The following DOCK7 variants were observed in gnomAD, a reference collection of about 807,000 sequenced individuals.
DOCK7 encodes dedicator of cytokinesis protein 7.
A neutral mutation model predicts 271.0 loss-of-function variants in DOCK7; 138 were observed. That is an observed-to-expected ratio of 0.51 (90% CI 0.44 to 0.59). DOCK7 has a LOEUF of 0.59. DOCK7 is among the 20% of genes least tolerant of loss of function. The pLI is 0.00. For synonymous variants in DOCK7, 823 were observed against 876.1 expected, an observed-to-expected ratio of 0.94 and a Z score of 1.07; for missense variants, 2,066 against 2,592.4, an observed-to-expected ratio of 0.80 and a Z score of 4.41.
intron 14 of DOCK7, among the ~76,000 whole-genome samples, chr1:62,586,837 T>C (rs1474576421): frequency 6.6e-6 from 1 of 152,116 alleles, no homozygotes; most frequent in East Asian, 1.9e-4. Flanking sequence ...TGCAGATAAA[T>C]TGAGATTCAG....
intron 1 of DOCK7, among the ~76,000 whole-genome samples, chr1:62,682,378 T>A (rs947825313): frequency 6.6e-6 from 1 of 152,202 alleles, no homozygotes; most frequent in Non-Finnish European, 1.5e-5. Flanking sequence ...TAATAAAGGA[T>A]GTCCAACGCA....
At chr1:62,638,040 G>A (rs1013010246) in intron 7 of DOCK7, among the ~76,000 whole-genome samples, 4 of 152,012 alleles carry the variant, frequency 2.6e-5, no homozygotes, top group African/African-American at 7.2e-5. Context: ...TGATACTGTC[G>A]GTCCATTTAT....
intron 21 of DOCK7, among the ~76,000 whole-genome samples, chr1:62,553,309 A>ATT (rs775716298): frequency 0.047 from 1,576 of 33,808 alleles, 55 homozygotes; most frequent in East Asian, 0.078. Flanking sequence ...AATAAAAAGT[A>ATT]TTTTATATAT....
chr1:62,457,386 TA>T (rs1244946545), intron 49 of DOCK7, 151 bp downstream of exon 49: 2 of 704,702 alleles, frequency 2.8e-6, no homozygotes, highest in Admixed American at 5.8e-5. Context: ...CCAGTAAGTG[TA>T]ACACGAATAT....
intron 24 of DOCK7, 154 bp downstream of exon 24, chr1:62,543,502 A>C: frequency 2.0e-6 from 1 of 490,192 alleles, no homozygotes; most frequent in Non-Finnish European, 3.7e-6. Flanking sequence ...ATATGCCCCA[A>C]AAGGCATCAG....
intron 2 of DOCK7, among the ~76,000 whole-genome samples, chr1:62,659,101 A>C (rs1203177317): frequency 6.6e-6 from 1 of 152,192 alleles, no homozygotes; most frequent in Non-Finnish European, 1.5e-5. Flanking sequence ...AGGTATCTGG[A>C]AATATAATAA....
At chr1:62,669,965 G>A (rs1659758995) in intron 1 of DOCK7, among the ~76,000 whole-genome samples, 1 of 152,366 alleles carries the variant, frequency 6.6e-6, no homozygotes, top group African/African-American at 2.4e-5. Context: ...CGTGGGCTTG[G>A]TGGGCCCCGC....
intron 7 of DOCK7, 42 bp downstream of exon 7, chr1:62,647,649 C>G (rs568974404): frequency 7.1e-7 from 1 of 1,415,176 alleles, no homozygotes; most frequent in East Asian, 2.3e-5. Context: ...AAAATTTTAT[C>G]CTGGAAAATA....
chr1:62,462,758 C>A (rs929353012), intron 48 of DOCK7, among the ~76,000 whole-genome samples: 3 of 151,944 alleles, frequency 2.0e-5, no homozygotes, highest in Non-Finnish European at 2.9e-5. Context: ...ACACAAAAAT[C>A]AATTGCAAAT....
intron 34 of DOCK7, among the ~76,000 whole-genome samples, chr1:62,508,473 T>C (rs1015701157): frequency 6.6e-6 from 1 of 152,208 alleles, no homozygotes; most frequent in Non-Finnish European, 1.5e-5. Flanking sequence ...AGGATAAATG[T>C]ACTTAATTTG....
At chr1:62,622,922 TCAAAAACAAAAA>T (rs937158240) in intron 12 of DOCK7, among the ~76,000 whole-genome samples, 9 of 151,650 alleles carry the variant, frequency 5.9e-5, no homozygotes, top group Non-Finnish European at 8.8e-5. Context: ...AGAGCAAGAC[TCAAAAACAAAAA>T]CAAAAACAAA....
intron 1 of DOCK7, among the ~76,000 whole-genome samples, chr1:62,663,390 G>C (rs988431161): frequency 6.6e-6 from 1 of 152,036 alleles, no homozygotes; most frequent in African/African-American, 2.4e-5. Flanking sequence ...GGCATTTTAG[G>C]GAACACACTT....
intron 41 of DOCK7, 110 bp from the exon 42 acceptor site, chr1:62,489,175 C>T (rs1048155428): frequency 4.6e-5 from 49 of 1,061,432 alleles, no homozygotes; most frequent in African/African-American, 1.1e-4. Context: ...TGAGGCCAGA[C>T]GCAGTGGCTC....
At chr1:62,656,090 GGAAAAGA>G (rs1657986041) in intron 2 of DOCK7, among the ~76,000 whole-genome samples, 1 of 151,932 alleles carries the variant, frequency 6.6e-6, no homozygotes, top group Admixed American at 6.5e-5. Flanking sequence ...CAATCCAACA[GGAAAAGA>G]GAAATCTTCT....
rs181858023 is a variant in DOCK7 at position 62,490,707 on chromosome 1, G to A, written c.5362-1642C>T. 8.6e-4 allele frequency among the ~76,000 whole-genome samples: 131 copies of A among 152,136 alleles called. 1 individual carries two copies. Among genetic ancestry groups the A allele is most frequent in the Non-Finnish European group, 6.5e-4 (44 of 67,994 alleles). On this transcript the variant is annotated intron_variant, in intron 41 of 49. Transcript: ENST00000635253. ...AAGAATTTTAATAATATAGGTTACT[G>A]TCCCCCAATCTAAATGCACTATTGT... is the stretch of plus-strand genomic sequence containing the variant.
At chr1:62,628,022 C>T (rs1654159926) in intron 11 of DOCK7, 1 of 152,248 alleles carries the variant, frequency 6.6e-6, no homozygotes, top group South Asian at 2.1e-4. Flanking sequence ...CGGTCCCCAA[C>T]CTTTCTGGCA....
chr1:62,605,673 C>T (rs1008486662), intron 14 of DOCK7: 1 of 152,318 alleles, frequency 6.6e-6, no homozygotes, highest in Non-Finnish European at 1.5e-5. Flanking sequence ...CTAATACATT[C>T]GTGTAGGTTT....
intron 30 of DOCK7, among the ~76,000 whole-genome samples, chr1:62,528,688 T>A (rs570189066): frequency 6.6e-6 from 1 of 152,330 alleles, no homozygotes; most frequent in Admixed American, 6.5e-5. Flanking sequence ...AGGAAATGTT[T>A]CTGTTTTACT....
At chr1:62,522,170 G>A (rs1053059084) in intron 31 of DOCK7, among the ~76,000 whole-genome samples, 1 of 152,012 alleles carries the variant, frequency 6.6e-6, no homozygotes, top group Non-Finnish European at 1.5e-5. Context: ...TTAGGTACTT[G>A]CAGAGAAGAG....
Sources: gnomAD v4.1 joint callset for allele counts (sites outside exome capture counted in the v4.1 genomes callset) on GRCh38, gnomAD v4.1.1 for gene constraint, MANE v1.5 for transcripts, NCBI Gene and HGNC (gene_info 2026-07-23, HGNC 2026-07-21) for gene names.